The following CCDC93 variants were observed in gnomAD, a reference collection of about 807,000 sequenced individuals.
The protein encoded by CCDC93 is CCC complex scaffolding subunit CCDC93.
Under a neutral mutation model 108.2 loss-of-function variants are expected in CCDC93, and 61 were observed. The observed-to-expected ratio is 0.56, with a 90% confidence interval of 0.46 to 0.70. The LOEUF is 0.70. Among genes scored for constraint, CCDC93 ranks in the 30% least tolerant of loss-of-function variants. CCDC93 has a pLI of 0.00. For synonymous variants in CCDC93, 276 were observed against 260.4 expected, an observed-to-expected ratio of 1.06 and a Z score of -0.58; for missense variants, 685 against 764.2, an observed-to-expected ratio of 0.90 and a Z score of 1.22.
intron 6 of CCDC93, among the ~76,000 whole-genome samples, chr2:117,987,859 T>C (rs1204652483): frequency 6.6e-6 from 1 of 152,202 alleles, no homozygotes; most frequent in Non-Finnish European, 1.5e-5. Flanking sequence ...TATTGAATAG[T>C]AGGTATGTGC....
At chr2:118,006,951 T>G (rs4849654) in intron 2 of CCDC93, 135 bp from the exon 3 acceptor site, 2 of 586,170 alleles carry the variant, frequency 3.4e-6, no homozygotes, top group South Asian at 2.1e-5. Flanking sequence ...AGAGAGAGAG[T>G]GTGTGTCCTC....
chr2:117,971,945 C>T (rs1679777073), intron 11 of CCDC93, among the ~76,000 whole-genome samples: 2 of 152,218 alleles, frequency 1.3e-5, no homozygotes, highest in South Asian at 4.1e-4. Context: ...GAATGTTTGA[C>T]ACCTCCGCTT....
intron 3 of CCDC93, 85 bp downstream of exon 3, chr2:118,006,637 T>C (rs987348635): frequency 2.6e-6 from 2 of 762,000 alleles, no homozygotes; most frequent in East Asian, 2.6e-5. Flanking sequence ...CTATGTAAAG[T>C]GTCCAACCAA....
intron 21 of CCDC93, 64 bp downstream of exon 21, chr2:117,936,638 G>A (rs1573469574): frequency 5.6e-6 from 7 of 1,254,578 alleles, no homozygotes; most frequent in Non-Finnish European, 7.0e-6. Context: ...GCAATGTGAG[G>A]TGGGCTGAAT....
intron 8 of CCDC93, among the ~76,000 whole-genome samples, chr2:117,976,709 G>A (rs556099682): frequency 3.1e-4 from 47 of 152,242 alleles, no homozygotes; most frequent in African/African-American, 9.9e-4. Flanking sequence ...GTCACTCAGC[G>A]AATAGAGGAG....
intron 1 of CCDC93, among the ~76,000 whole-genome samples, chr2:118,009,677 AAC>A (rs920355197): frequency 1.3e-5 from 2 of 152,148 alleles, no homozygotes; most frequent in African/African-American, 4.8e-5. Flanking sequence ...ATCTCTAAAA[AAC>A]AAACAAACAA....
rs372727967 is a variant in CCDC93 at position 117,935,557 on chromosome 2, G to A, written c.1666C>T (p.Arg556Trp). Residue 556 changes from arginine (R) to tryptophan (W), a missense_variant, in exon 22 of 24, where the codon CGG (arginine) becomes TGG (tryptophan). By Grantham distance (101) the Arg-to-Trp change is moderately radical (BLOSUM62 -3). Transcript: ENST00000376300. The stretch of plus-strand genomic sequence containing the variant: ...TCCATCTGACGTAAAAACTGGTCCC[G>A]GGCAGCAGGGGAGGCCATGGCCCTG... Reference protein sequence around the residue: ...FSQAMASPAARDQFLRQMEQI... With the variant: ...FSQAMASPAAWDQFLRQMEQI... 15 of 1,613,774 alleles carry A rather than the reference G, an allele frequency of 9.3e-6. No homozygotes were observed. Among genetic ancestry groups the A allele is most frequent in the African/African-American group, 1.3e-5 (1 of 75,002 alleles).
intron 4 of CCDC93, chr2:117,999,896 C>T (rs1680785357): frequency 1.4e-5 from 2 of 146,986 alleles, no homozygotes; most frequent in East Asian, 4.3e-4. Context: ...CACCCCCAAA[C>T]ATTTTTGATG....
At chr2:117,941,093 T>C in intron 19 of CCDC93, 96 bp downstream of exon 19, 1 of 842,334 alleles carries the variant, frequency 1.2e-6, no homozygotes. Context: ...CTTTGTGGAC[T>C]GTGCTCTGGT....
chr2:117,938,428 A>C (rs530807066), intron 20 of CCDC93, among the ~76,000 whole-genome samples: 1 of 152,338 alleles, frequency 6.6e-6, no homozygotes, highest in African/African-American at 2.4e-5. Context: ...AGATATACCT[A>C]ATGCTAGATG....
intron 13 of CCDC93, chr2:117,950,335 G>A (rs1204327263): frequency 2.0e-6 from 2 of 985,294 alleles, no homozygotes; most frequent in Non-Finnish European, 1.2e-6. Context: ...TACAATTAAT[G>A]TACTTAGACA....
rs554023105 is a variant in CCDC93, at chr2:117,985,066, C to T, written c.620+903G>A. ...GTGAACTGTGGGGGCAGCCATCACA[C>T]GCAGCCTAGGGCCAGAACTACTTCA... On this transcript the variant is annotated intron_variant, in intron 7 of 23. Transcript: ENST00000376300. 2.0e-5 allele frequency among the ~76,000 whole-genome samples: 3 copies of T among 151,824 alleles called. No homozygotes were observed. In the East Asian group the frequency reaches 5.8e-4, roughly 29 times the overall value.
chr2:118,005,791 A>G (rs1421432698), intron 3 of CCDC93, among the ~76,000 whole-genome samples: 1 of 151,148 alleles, frequency 6.6e-6, no homozygotes, highest in Non-Finnish European at 1.5e-5. Flanking sequence ...AGCTACAGCT[A>G]AAGGCATATG....
At chr2:118,003,348 T>C (rs1676765946) in intron 3 of CCDC93, among the ~76,000 whole-genome samples, 1 of 152,194 alleles carries the variant, frequency 6.6e-6, no homozygotes, top group Non-Finnish European at 1.5e-5. Flanking sequence ...CCTTGAAACT[T>C]GTAAGAAGAG....
Position 117,977,853 on chromosome 2 carries a change from G to A in CCDC93, c.657+141C>T, listed in dbSNP as rs80227530. On this transcript the variant is annotated intron_variant, in intron 8 of 23. Transcript: ENST00000376300. Reference sequence around the variant, plus strand: ...GGTGGCTAGCTAGAAAAGCCAGGACGGAGATGCAGGGGCCAAAGGCAGCTC... The same window carrying A: ...GGTGGCTAGCTAGAAAAGCCAGGACAGAGATGCAGGGGCCAAAGGCAGCTC... The A allele has an allele frequency of 6.1e-3, 4,233 of 698,238 alleles. 101 individuals carry two copies. The highest frequency in any genetic ancestry group is 0.06 in the African/African-American group (3,347 of 56,092). The allele number at this position is 698,238 out of a possible 1,614,324, so 43.3% of individuals were successfully genotyped here.
intron 11 of CCDC93, among the ~76,000 whole-genome samples, chr2:117,967,354 A>C (rs1233814041): frequency 6.6e-6 from 1 of 152,230 alleles, no homozygotes; most frequent in African/African-American, 2.4e-5. Context: ...CAGAAACATG[A>C]AGAGTCACTT....
intron 12 of CCDC93, among the ~76,000 whole-genome samples, chr2:117,953,402 T>G (rs1240003546): frequency 1.3e-5 from 2 of 152,178 alleles, no homozygotes; most frequent in Non-Finnish European, 2.9e-5. Flanking sequence ...GCAGGTGGGT[T>G]CTGGTGCCCC....
At chr2:117,953,714 G>C (rs1679130760) in intron 12 of CCDC93, among the ~76,000 whole-genome samples, 2 of 125,362 alleles carry the variant, frequency 1.6e-5, no homozygotes, top group African/African-American at 6.0e-5. Flanking sequence ...AACAAAGTGA[G>C]ACTCTGCTGT....
chr2:117,976,520 G>A (rs1022531556), intron 8 of CCDC93, among the ~76,000 whole-genome samples: 2 of 152,124 alleles, frequency 1.3e-5, no homozygotes, highest in African/African-American at 4.8e-5. Flanking sequence ...ACATGACTAA[G>A]TACCAATAAC....
Sources: allele counts gnomAD v4.1 joint callset (sites outside exome capture counted in the v4.1 genomes callset), GRCh38; gene constraint gnomAD v4.1.1; transcripts MANE v1.5; gene names NCBI Gene and HGNC (gene_info 2026-07-23, HGNC 2026-07-21).